The following NAF1 variants were observed in gnomAD, a reference collection of about 807,000 sequenced individuals.
The protein encoded by NAF1 is nuclear assembly factor 1 ribonucleoprotein.
A neutral mutation model predicts 40.6 loss-of-function variants in NAF1; 11 were observed. That is an observed-to-expected ratio of 0.27 (90% CI 0.17 to 0.45). NAF1 has a LOEUF of 0.45. NAF1 is among the 20% of genes least tolerant of loss of function. The probability of loss-of-function intolerance (pLI) is 1.00; values close to 1 mark genes in which losing one functional copy is unlikely to be tolerated. For missense variants in NAF1, 607 were observed against 611.1 expected (o/e 0.99, Z 0.07); for synonymous variants, 260 against 228.5 (o/e 1.14, Z -1.24).
intron 2 of NAF1, among the ~76,000 whole-genome samples, chr4:163,115,494 C>T (rs1207051936): frequency 6.6e-6 from 1 of 152,108 alleles, no homozygotes; most frequent in Non-Finnish European, 1.5e-5. Flanking sequence ...CCACACCCAG[C>T]CAGGACAATA....
chr4:163,107,654 CTATT>C (rs1730070802), downstream of NAF1, among the ~76,000 whole-genome samples: 1 of 152,162 alleles, frequency 6.6e-6, no homozygotes. Flanking sequence ...TATTAGTTCT[CTATT>C]ATTTGTTCCA....
At chr4:163,119,102 T>C (rs1221850830) in intron 2 of NAF1, among the ~76,000 whole-genome samples, 2 of 152,236 alleles carry the variant, frequency 1.3e-5, no homozygotes, top group African/African-American at 4.8e-5. Context: ...CTGGTCTTCA[T>C]TTCTCTCCTT....
chr4:163,142,389 C>T (rs190214448), intron 4 of NAF1, among the ~76,000 whole-genome samples: 2 of 152,248 alleles, frequency 1.3e-5, no homozygotes, highest in Admixed American at 6.5e-5. Context: ...GACTGTTTCC[C>T]AGGGATTTGT....
At chr4:163,106,770 G>C (rs1454591820), downstream of NAF1, among the ~76,000 whole-genome samples, 3 of 152,222 alleles carry the variant, frequency 2.0e-5, no homozygotes, top group African/African-American at 7.2e-5. Flanking sequence ...AAAAAAACCT[G>C]AGTGTTAGAT....
At chr4:163,165,936 G>C (rs1732439802) in intron 1 of NAF1, among the ~76,000 whole-genome samples, 1 of 151,968 alleles carries the variant, frequency 6.6e-6, no homozygotes, top group Admixed American at 6.6e-5. Context: ...TACTTTTCCT[G>C]ATCCCCAATG....
At chr4:163,137,050 C>T (rs533675365) in intron 6 of NAF1, 149 bp downstream of exon 6, 48 of 834,266 alleles carry the variant, frequency 5.8e-5, no homozygotes, top group South Asian at 4.4e-4. Flanking sequence ...TCATCTAGGA[C>T]GGTGAGAGAA....
At chr4:163,135,796 A>C (rs563446053) in intron 6 of NAF1, 8 of 152,252 alleles carry the variant, frequency 5.3e-5, no homozygotes, top group African/African-American at 1.7e-4. Flanking sequence ...TCCCCTACCC[A>C]AAAAAAGAAA....
intron 7 of NAF1, among the ~76,000 whole-genome samples, chr4:163,132,729 A>G (rs1209181573): frequency 6.6e-6 from 1 of 152,240 alleles, no homozygotes; most frequent in East Asian, 1.9e-4. Context: ...GAAACTGAAT[A>G]AAGGGCATAC....
chr4:163,117,550 T>C (rs1730376759), intron 2 of NAF1: 1 of 152,024 alleles, frequency 6.6e-6, no homozygotes, highest in Non-Finnish European at 1.5e-5. Flanking sequence ...CAAGTAAATC[T>C]AAGTACATGG....
chr4:163,116,871 T>C (rs971838988), intron 2 of NAF1, among the ~76,000 whole-genome samples: 3 of 151,902 alleles, frequency 2.0e-5, no homozygotes, highest in African/African-American at 4.8e-5. Flanking sequence ...CCAAGAGTCA[T>C]TCCAGACATC....
At chr4:163,124,502 G>C (rs28361289), downstream of NAF1, among the ~76,000 whole-genome samples, 1 of 151,866 alleles carries the variant, frequency 6.6e-6, no homozygotes, top group Non-Finnish European at 1.5e-5. Context: ...CTAATACAAC[G>C]TAAACCTTAT....
chr4:163,140,336 C>A lies in NAF1; in HGVS notation c.765G>T (p.Arg255=), dbSNP rs777268373. The change falls in exon 5 of 8, where the codon CGG becomes CGT. Residue 255 remains arginine (R), a synonymous_variant. Transcript: ENST00000274054. ...GPVAHPFYVL[R]FNSSDHIESK... ...TCTCAATGTGATCTGAAGAATTAAA[C>A]CGTAACACATAAAATGGATGTGCAA... 3.1e-6 allele frequency: 5 copies of A among 1,608,250 alleles called. No individual in the cohort carries two copies. Among genetic ancestry groups the A allele is most frequent in the Admixed American group, 1.7e-5 (1 of 58,810 alleles).
intron 2 of NAF1, among the ~76,000 whole-genome samples, chr4:163,114,768 T>C (rs1214818941): frequency 1.3e-5 from 2 of 152,204 alleles, no homozygotes; most frequent in African/African-American, 4.8e-5. Flanking sequence ...TTTTCTACTT[T>C]CTGGTAAAGT....
chr4:163,128,874 TTTCTCTGGAAATGCATA>T lies in NAF1; in HGVS notation c.*6_*22del, dbSNP rs1032043829. The T allele has an allele frequency of 6.0e-6, 9 of 1,490,512 alleles. No individual in the cohort carries two copies. In the African/African-American group the frequency reaches 1.1e-4, roughly 19 times the overall value. The allele number at this position is 1,490,512 out of a possible 1,614,324, so 92.3% of individuals were successfully genotyped here. The stretch of plus-strand genomic sequence containing the variant: ...TACCACATAATATGAAAAGTCCACA[TTTCTCTGGAAATGCATA>T]GTCACCTAATAGTAAGGTCCAAAAT... On this transcript the variant is annotated 3_prime_UTR_variant, in exon 8 of 8. Transcript: ENST00000274054.
intron 2 of NAF1, among the ~76,000 whole-genome samples, chr4:163,162,789 C>T (rs527419604): frequency 2.0e-5 from 3 of 152,242 alleles, no homozygotes; most frequent in South Asian, 4.2e-4. Flanking sequence ...CCTGAGAACC[C>T]ATTATCTATA....
rs1172009428 is a variant in NAF1 at position 163,166,556 on chromosome 4, C to T, written c.172G>A (p.Glu58Lys). The change falls in exon 1 of 8, where the codon GAG becomes AAG. Residue 58 changes from glutamate (E) to lysine (K), a missense_variant. Coordinates refer to ENST00000274054, the MANE Select transcript of NAF1 (RefSeq NM_138386.3). ...EGSPDAGQTV[E>K]VKPAGEQPLQ... is the part of the protein sequence containing the mutation. ...GGCTGCTCCCCGGCAGGCTTAACCT[C>T]CACGGTCTGCCCAGCGTCCGGGGAC... 1.9e-6 allele frequency: 3 copies of T among 1,600,198 alleles called. No homozygotes were observed. Among genetic ancestry groups the T allele is most frequent in the Non-Finnish European group, 2.6e-6 (3 of 1,174,220 alleles).
In NAF1 at chr4:163,166,860, GGT is replaced by G; in HGVS notation, c.-135_-134del. 8.1e-7 allele frequency: 1 copy of G among 1,239,678 alleles called. No homozygotes were observed. The highest frequency in any genetic ancestry group is 2.9e-5 in the Admixed American group (1 of 34,576). The allele number at this position is 1,239,678 out of a possible 1,614,324, so 76.8% of individuals were successfully genotyped here. ...TGGGCCCAACTTCCCGCGTTTCTCA[GGT>G]AACTACACGCGGAGGAGCCAAAAGA... On this transcript the variant is annotated 5_prime_UTR_variant, in exon 1 of 8. Transcript: ENST00000274054.
chr4:163,158,793 T>G (rs2111039144), intron 2 of NAF1, among the ~76,000 whole-genome samples: 1 of 152,216 alleles, frequency 6.6e-6, no homozygotes, highest in South Asian at 2.1e-4. Flanking sequence ...GACACTGATT[T>G]TATATCACTA....
downstream of NAF1, among the ~76,000 whole-genome samples, chr4:163,107,590 T>TAAAAACTCTCAGGTAAAA (rs1340438386): frequency 2.6e-5 from 4 of 152,254 alleles, no homozygotes; most frequent in Admixed American, 6.5e-5. Context: ...AAGAAGCTTT[T>TAAAAACTCTCAGGTAAAA]ACCTGAGAGT....
Sources: allele counts gnomAD v4.1 joint callset (sites outside exome capture counted in the v4.1 genomes callset), GRCh38; gene constraint gnomAD v4.1.1; transcripts MANE v1.5; gene names NCBI Gene and HGNC (gene_info 2026-07-23, HGNC 2026-07-21).